RCAN2: variants seen among roughly 807,000 people sequenced by gnomAD.
RCAN2 encodes regulator of calcineurin 2.
Under a neutral mutation model 23.6 loss-of-function variants are expected in RCAN2, and 9 were observed. The observed-to-expected ratio is 0.38, with a 90% CI of 0.23 to 0.67. The LOEUF (loss-of-function observed/expected upper bound fraction) is 0.67. Among genes scored for constraint, RCAN2 ranks in the 30% least tolerant of loss-of-function variants. The pLI is 0.51. For missense variants in RCAN2, 273 were observed against 302.3 expected (o/e 0.90, Z 0.72); for synonymous variants, 109 against 115.7 (o/e 0.94, Z 0.37).
At chr6:46,306,033 C>CTT (rs1763056030) in intron 2 of RCAN2, among the ~76,000 whole-genome samples, 1 of 151,966 alleles carries the variant, frequency 6.6e-6, no homozygotes, top group South Asian at 2.1e-4. Flanking sequence ...TAGGCACTGC[C>CTT]TGAGGCAGTA....
At chr6:46,255,028 C>A (rs1043725808) in intron 2 of RCAN2, among the ~76,000 whole-genome samples, 19 of 152,292 alleles carry the variant, frequency 1.2e-4, no homozygotes, top group African/African-American at 3.4e-4. Flanking sequence ...CTTTAGCCTT[C>A]AGAATTGTAT....
intron 2 of RCAN2, among the ~76,000 whole-genome samples, chr6:46,427,711 G>A (rs1043494449): frequency 6.6e-6 from 1 of 152,156 alleles, no homozygotes; most frequent in African/African-American, 2.4e-5. Context: ...TAGCTGTATT[G>A]ACATACAACC....
intron 2 of RCAN2, among the ~76,000 whole-genome samples, chr6:46,445,436 T>C (rs923828605): frequency 3.3e-5 from 5 of 152,142 alleles, no homozygotes; most frequent in Admixed American, 1.3e-4. Context: ...AGCTGACTAG[T>C]AAAGGACTTC....
chr6:46,378,404 G>T (rs1765536663), intron 2 of RCAN2, among the ~76,000 whole-genome samples: 1 of 152,150 alleles, frequency 6.6e-6, no homozygotes, highest in South Asian at 2.1e-4. Flanking sequence ...GATGGTAGGT[G>T]CTATTAGTCT....
chr6:46,344,502 A>ACAT (rs1554134917), intron 2 of RCAN2, among the ~76,000 whole-genome samples: 1 of 151,516 alleles, frequency 6.6e-6, no homozygotes, highest in Non-Finnish European at 1.5e-5. Context: ...AAAAGCAAAA[A>ACAT]AATGAATTAT....
chr6:46,325,650 C>A, intron 2 of RCAN2: 1 of 1,418,716 alleles, frequency 7.0e-7, no homozygotes. Flanking sequence ...CCCTCCGCGT[C>A]TGAGGCAGCA....
intron 2 of RCAN2, among the ~76,000 whole-genome samples, chr6:46,312,556 C>T (rs1763297763): frequency 6.6e-6 from 1 of 152,152 alleles, no homozygotes; most frequent in Admixed American, 6.5e-5. Context: ...CACAATATTC[C>T]TGCTGAACTA....
intron 2 of RCAN2, among the ~76,000 whole-genome samples, chr6:46,275,978 G>T (rs533101347): frequency 2.0e-4 from 31 of 152,216 alleles, no homozygotes; most frequent in African/African-American, 6.7e-4. Flanking sequence ...GAGGCCAAGG[G>T]GGGTGGATCA....
At chr6:46,371,994 T>C (rs149629419) in intron 2 of RCAN2, among the ~76,000 whole-genome samples, 1 of 152,212 alleles carries the variant, frequency 6.6e-6, no homozygotes. Flanking sequence ...TTTTTAAATA[T>C]GTGTTGAACA....
chr6:46,276,849 A>T (rs1767727277), intron 2 of RCAN2, among the ~76,000 whole-genome samples: 1 of 152,236 alleles, frequency 6.6e-6, no homozygotes, highest in Admixed American at 6.5e-5. Context: ...TAGGTTGAAC[A>T]GAGCAGCAAA....
At chr6:46,396,166 C>T (rs1766082522) in intron 2 of RCAN2, among the ~76,000 whole-genome samples, 1 of 152,136 alleles carries the variant, frequency 6.6e-6, no homozygotes, top group South Asian at 2.1e-4. Context: ...ATTCTGCATT[C>T]TTATTTTTTT....
chr6:46,362,769 T>C (rs1765054343), intron 2 of RCAN2, among the ~76,000 whole-genome samples: 1 of 152,208 alleles, frequency 6.6e-6, no homozygotes, highest in Non-Finnish European at 1.5e-5. Context: ...TTCCTTCATA[T>C]GCATTTTCAT....
chr6:46,491,641 C>A (rs551913304), upstream of RCAN2, among the ~76,000 whole-genome samples: 2 of 152,144 alleles, frequency 1.3e-5, no homozygotes, highest in South Asian at 4.2e-4. Context: ...GGGCTCTCAC[C>A]CTGCCCTCAG....
chr6:46,253,668 T>C (rs1766807621), intron 2 of RCAN2, among the ~76,000 whole-genome samples: 1 of 152,206 alleles, frequency 6.6e-6, no homozygotes, highest in South Asian at 2.1e-4. Context: ...TTTTTTTCTT[T>C]TTTCTTTTTT....
chr6:46,431,139 CTG>C (rs3084652), intron 2 of RCAN2, among the ~76,000 whole-genome samples: 3 of 151,166 alleles, frequency 2.0e-5, no homozygotes, highest in African/African-American at 7.3e-5. Context: ...ATGTGTGTGT[CTG>C]TGTGTGTGTG....
At chr6:46,391,926 A>G (rs1765948616) in intron 2 of RCAN2, among the ~76,000 whole-genome samples, 1 of 152,160 alleles carries the variant, frequency 6.6e-6, no homozygotes, top group Non-Finnish European at 1.5e-5. Flanking sequence ...CAAGAGAAAA[A>G]TCAAGGTTTA....
intron 4 of RCAN2, 97 bp from the exon 5 acceptor site, chr6:46,223,398 G>T: frequency 8.5e-7 from 1 of 1,170,740 alleles, no homozygotes; most frequent in Non-Finnish European, 1.2e-6. Context: ...GCATTTTCCA[G>T]GGTCTCAGGA....
chr6:46,486,197 G>A (rs1768984775), intron 1 of RCAN2, among the ~76,000 whole-genome samples: 1 of 152,188 alleles, frequency 6.6e-6, no homozygotes, highest in Admixed American at 6.5e-5. Context: ...GCAACTCAGA[G>A]AACCGGCACT....
chr6:46,223,898 C>A (rs1214385576), intron 4 of RCAN2, among the ~76,000 whole-genome samples: 1 of 152,168 alleles, frequency 6.6e-6, no homozygotes, highest in African/African-American at 2.4e-5. Flanking sequence ...AGTCAAATGG[C>A]TGTTAGCTGA....
Sources: gnomAD v4.1 joint callset for allele counts (sites outside exome capture counted in the v4.1 genomes callset) on GRCh38, gnomAD v4.1.1 for gene constraint, MANE v1.5 for transcripts, NCBI Gene and HGNC (gene_info 2026-07-23, HGNC 2026-07-21) for gene names.